Variants in FAM24B observed in about 807,000 individuals in gnomAD.
FAM24B encodes family with sequence similarity 24 member B.
In FAM24B, 3 loss-of-function variants were observed where a neutral mutation model predicts 2.3. That is an observed-to-expected ratio of 1.29 (90% confidence interval 0.59 to 3.32). The LOEUF (loss-of-function observed/expected upper bound fraction) is 3.32, where lower values mean the gene tolerates loss of function less well. FAM24B is among the 30% of genes most tolerant of loss of function. FAM24B has a pLI of 0.03. For synonymous variants in FAM24B, 36 were observed against 46.3 expected (o/e 0.78, Z 0.90); for missense variants, 98 against 117.2 (o/e 0.84, Z 0.76).
At chr10:122,869,444 T>A (rs1419873711) in intron 1 of FAM24B, among the ~76,000 whole-genome samples, 1 of 152,186 alleles carries the variant, frequency 6.6e-6, no homozygotes, top group Non-Finnish European at 1.5e-5. Context: ...CTAACAGACA[T>A]CTACAGAACT....
chr10:122,879,174 T>C (rs974768947), intron 1 of FAM24B, among the ~76,000 whole-genome samples: 3 of 152,236 alleles, frequency 2.0e-5, no homozygotes, highest in African/African-American at 4.8e-5. Context: ...AGCATAGTCC[T>C]GGCAACGCCG....
intron 1 of FAM24B, among the ~76,000 whole-genome samples, chr10:122,867,014 G>A (rs1221472444): frequency 1.3e-5 from 2 of 152,132 alleles, no homozygotes; most frequent in Admixed American, 6.6e-5. Flanking sequence ...GTTCTCAAAG[G>A]AAATTAAAAG....
chr10:122,870,034 G>A (rs759498829), intron 1 of FAM24B, among the ~76,000 whole-genome samples: 4 of 152,026 alleles, frequency 2.6e-5, no homozygotes, highest in East Asian at 1.9e-4. Context: ...TTGATAGACC[G>A]CTAGTAAGAC....
At chr10:122,856,605 T>C (rs975489294) in intron 1 of FAM24B, among the ~76,000 whole-genome samples, 1 of 152,096 alleles carries the variant, frequency 6.6e-6, no homozygotes, top group Non-Finnish European at 1.5e-5. Flanking sequence ...TGAATATCTT[T>C]CCCACTTCCA....
chr10:122,852,548 C>T (rs181527015), intron 2 of FAM24B, among the ~76,000 whole-genome samples: 75 of 152,290 alleles, frequency 4.9e-4, no homozygotes, highest in African/African-American at 1.4e-3. Flanking sequence ...CTTATTACCA[C>T]TGCGAGATAA....
chr10:122,857,316 C>T (rs1040580183), intron 1 of FAM24B, among the ~76,000 whole-genome samples: 1 of 152,150 alleles, frequency 6.6e-6, no homozygotes, highest in African/African-American at 2.4e-5. Context: ...AGGATATCTG[C>T]ATGGGGGAGC....
At chr10:122,866,662 A>AT (rs1305461545) in intron 1 of FAM24B, among the ~76,000 whole-genome samples, 1 of 152,066 alleles carries the variant, frequency 6.6e-6, no homozygotes, top group Non-Finnish European at 1.5e-5. Context: ...TGATGTTACT[A>AT]TTGCCATTGT....
chr10:122,872,677 A>G (rs1263576391), intron 1 of FAM24B, among the ~76,000 whole-genome samples: 3 of 152,158 alleles, frequency 2.0e-5, no homozygotes, highest in Non-Finnish European at 4.4e-5. Context: ...TCAGCAAACT[A>G]TCGCAAGGAC....
chr10:122,873,023 T>G lies in FAM24B; in HGVS notation c.-178+6462A>C, dbSNP rs556410303. ...AGGTTTAAAAAATAAACCATCTCCA[T>G]AACATAAAAGTGCAAGGTGTAACAG... On this transcript the variant is annotated intron_variant, in intron 1 of 3. Transcript: ENST00000368898. 3.9e-5 allele frequency among the ~76,000 whole-genome samples: 6 copies of G among 152,238 alleles called. No homozygotes were observed. The East Asian group carries it at 1.2e-3, about 29-fold the overall frequency.
At chr10:122,877,120 A>G (rs1029394398) in intron 1 of FAM24B, among the ~76,000 whole-genome samples, 2 of 152,268 alleles carry the variant, frequency 1.3e-5, no homozygotes, top group African/African-American at 4.8e-5. Context: ...ATAAAAATAA[A>G]GCAAAAAATA....
At position 122,870,169 on chromosome 10, in the gene FAM24B, T is replaced by A. The variant is rs529275863; in HGVS notation, c.-178+9316A>T. On this transcript the variant is annotated intron_variant, in intron 1 of 3. Transcript: ENST00000368898. The stretch of plus-strand genomic sequence containing the variant: ...AATACTATAAACACCTCTATGCAAA[T>A]AAACTAGAAAATCTAGAAGAAATGG... Among the ~76,000 whole-genome samples the A allele has an allele frequency of 7.2e-5, 11 of 152,170 alleles. No individual in the cohort carries two copies. In the South Asian group the frequency reaches 1.9e-3, roughly 26 times the overall value.
chr10:122,864,081 T>A (rs1397380940), intron 1 of FAM24B, among the ~76,000 whole-genome samples: 1 of 152,044 alleles, frequency 6.6e-6, no homozygotes. Flanking sequence ...GAAAAACATG[T>A]GTTGTTTCAG....
intron 1 of FAM24B, among the ~76,000 whole-genome samples, chr10:122,865,511 T>C (rs1472809579): frequency 6.6e-6 from 1 of 152,166 alleles, no homozygotes; most frequent in Non-Finnish European, 1.5e-5. Flanking sequence ...ACTTGTTGGA[T>C]TCTGTTTGAT....
chr10:122,850,723 T>A, intron 2 of FAM24B, 173 bp from the exon 3 acceptor site: 4 of 484,338 alleles, frequency 8.3e-6, no homozygotes, highest in South Asian at 3.5e-5. Flanking sequence ...GGCCCAGAGA[T>A]GGAAAAAAAG....
At chr10:122,874,290 C>G (rs149360371) in intron 1 of FAM24B, among the ~76,000 whole-genome samples, 2 of 152,278 alleles carry the variant, frequency 1.3e-5, no homozygotes, top group East Asian at 3.9e-4. Flanking sequence ...ATATTTGATG[C>G]TCTGTTGTTA....
At chr10:122,866,692 T>A (rs980472759) in intron 1 of FAM24B, among the ~76,000 whole-genome samples, 1 of 152,188 alleles carries the variant, frequency 6.6e-6, no homozygotes, top group Middle Eastern at 3.2e-3. Flanking sequence ...CCATGAATCA[T>A]GACCCTATAA....
At chr10:122,857,659 C>G (rs1847661757) in intron 1 of FAM24B, among the ~76,000 whole-genome samples, 1 of 152,194 alleles carries the variant, frequency 6.6e-6, no homozygotes, top group South Asian at 2.1e-4. Context: ...ACTTATGTAT[C>G]TGTTTCCTTG....
At chr10:122,852,979 C>G (rs1177585839) in intron 2 of FAM24B, among the ~76,000 whole-genome samples, 1 of 152,072 alleles carries the variant, frequency 6.6e-6, no homozygotes, top group Non-Finnish European at 1.5e-5. Flanking sequence ...TTGGTGTTTC[C>G]AAGTTGCTCA....
chr10:122,861,994 G>C (rs1847731586), intron 1 of FAM24B, among the ~76,000 whole-genome samples: 1 of 152,034 alleles, frequency 6.6e-6, no homozygotes, highest in Admixed American at 6.6e-5. Flanking sequence ...CTCCCATCTT[G>C]CTTTCTTTCA....
Sources: gnomAD v4.1 joint callset for allele counts (sites outside exome capture counted in the v4.1 genomes callset) on GRCh38, gnomAD v4.1.1 for gene constraint, MANE v1.5 for transcripts, NCBI Gene and HGNC (gene_info 2026-07-23, HGNC 2026-07-21) for gene names.